Variants in DOCK8 observed in about 807,000 individuals in gnomAD.
DOCK8 encodes dedicator of cytokinesis 8.
Under a neutral mutation model 245.6 loss-of-function variants are expected in DOCK8, and 141 were observed. The observed-to-expected ratio is 0.57, with a 90% CI of 0.50 to 0.66. The LOEUF (loss-of-function observed/expected upper bound fraction) is 0.66, where lower values mean the gene tolerates loss of function less well. DOCK8 is among the 30% of genes least tolerant of loss of function. The pLI, the probability that DOCK8 is intolerant of heterozygous loss-of-function variation, is 0.00. For missense variants in DOCK8, 2,965 were observed against 2,603.4 expected (o/e 1.14, Z -3.02); for synonymous variants, 1,168 against 970.2 (o/e 1.20, Z -3.79).
chr9:427,666 G>T (rs531209619), intron 34 of DOCK8, among the ~76,000 whole-genome samples: 65 of 152,210 alleles, frequency 4.3e-4, no homozygotes, highest in Admixed American at 1.5e-3. Flanking sequence ...ATTGCTTTTA[G>T]GGCTAGAAGA....
chr9:418,148 C>T lies in DOCK8; in HGVS notation c.3781C>T (p.Leu1261=). 3 of 1,614,212 alleles carry T rather than the reference C, an allele frequency of 1.9e-6. No homozygotes were observed. The highest frequency in any genetic ancestry group is 2.2e-5 in the East Asian group (1 of 44,892). The change falls in exon 30 of 48, where the codon CTG becomes TTG. Residue 1261 remains leucine, a synonymous_variant. Coordinates refer to ENST00000432829, the MANE Select transcript of DOCK8 (RefSeq NM_203447.4). ...GAGAINQNVA[L]AIAGNNFNLK... is the part of the protein sequence containing the mutation. ...CGGTGCCATTAACCAGAATGTGGCT[C>T]TGGCCATAGCAGGGAATAATTTCAA... is the stretch of plus-strand genomic sequence containing the variant.
At chr9:215,750 T>G (rs773557535) in intron 1 of DOCK8, 10 of 232,084 alleles carry the variant, frequency 4.3e-5, no homozygotes, top group Non-Finnish European at 9.0e-5. Flanking sequence ...TTGCACAAAC[T>G]AAATATGTAA....
intron 28 of DOCK8, among the ~76,000 whole-genome samples, chr9:408,079 G>T: frequency 6.6e-6 from 1 of 152,174 alleles, no homozygotes. Flanking sequence ...CTGTTCCCAT[G>T]ACTCCTATGC....
intron 2 of DOCK8, among the ~76,000 whole-genome samples, chr9:278,744 G>T (rs2048456883): frequency 6.6e-6 from 1 of 152,214 alleles, no homozygotes; most frequent in Admixed American, 6.5e-5. Flanking sequence ...TAAGTGACGT[G>T]CTCCAGAAGC....
chr9:256,332 A>C (rs545313720), intron 1 of DOCK8, among the ~76,000 whole-genome samples: 1 of 152,358 alleles, frequency 6.6e-6, no homozygotes, highest in South Asian at 2.1e-4. Context: ...CAATACAGGC[A>C]AGAAAATCCT....
chr9:371,511 A>G lies in DOCK8; in HGVS notation c.1952A>G (p.His651Arg), dbSNP rs776714828. The G allele has an allele frequency of 1.9e-6, 3 of 1,614,064 alleles. No individual in the cohort carries two copies. The highest frequency in any genetic ancestry group is 2.5e-6 in the Non-Finnish European group (3 of 1,180,028). The change falls in exon 17 of 48, where the codon CAT (histidine) becomes CGT (arginine). Residue 651 changes from histidine (H) to arginine (R), a missense_variant. Around this residue, in one of 3 missense-constraint regions of DOCK8, gnomAD observed 2,825 missense variants for 2,453.5 expected, o/e 1.15. Coordinates refer to ENST00000432829, the MANE Select transcript of DOCK8 (RefSeq NM_203447.4). ...VNHHLLFTFY[H>R]ISCQQKQGAS... ...CACCACCTCCTGTTCACCTTCTACC[A>G]TATCAGCTGTCAGCAGAAGCAAGGA...
chr9:389,466 C>T (rs1236254654), intron 23 of DOCK8, among the ~76,000 whole-genome samples: 1 of 152,110 alleles, frequency 6.6e-6, no homozygotes, highest in African/African-American at 2.4e-5. Context: ...GCCCAAGATC[C>T]TCTCATAAAC....
intron 28 of DOCK8, among the ~76,000 whole-genome samples, chr9:413,631 A>G (rs556197035): frequency 1.9e-4 from 29 of 152,260 alleles, no homozygotes; most frequent in Non-Finnish European, 4.1e-4. Flanking sequence ...AAGAAGATAC[A>G]GCCATAAGAC....
At chr9:283,233 G>T (rs1254360077) in intron 2 of DOCK8, among the ~76,000 whole-genome samples, 1 of 152,142 alleles carries the variant, frequency 6.6e-6, no homozygotes, top group Non-Finnish European at 1.5e-5. Flanking sequence ...TTCTTCATCT[G>T]TAAAATGAGC....
intron 4 of DOCK8, among the ~76,000 whole-genome samples, chr9:299,366 A>G (rs904933861): frequency 1.3e-5 from 2 of 152,198 alleles, no homozygotes; most frequent in African/African-American, 4.8e-5. Context: ...CAATCCAGCA[A>G]TCCTCCCATC....
intron 14 of DOCK8, among the ~76,000 whole-genome samples, chr9:362,803 C>A (rs117443347): frequency 6.6e-6 from 1 of 152,176 alleles, no homozygotes; most frequent in Non-Finnish European, 1.5e-5. Flanking sequence ...TTTTTCTGTT[C>A]GTTTCCTTGC....
At chr9:378,911 G>A (rs1266423932) in intron 20 of DOCK8, among the ~76,000 whole-genome samples, 1 of 152,224 alleles carries the variant, frequency 6.6e-6, no homozygotes, top group East Asian at 1.9e-4. Flanking sequence ...CACCAGACAT[G>A]GCTGGAGAAT....
chr9:382,488 C>A (rs1384612640), intron 21 of DOCK8, 25 bp from the exon 22 acceptor site: 1 of 1,613,126 alleles, frequency 6.2e-7, no homozygotes, highest in East Asian at 2.2e-5. Flanking sequence ...TGTCTGTTGA[C>A]ATGTCTCTGC....
rs2057882296 is a variant in DOCK8 at position 463,684 on chromosome 9, A to G, written c.6236A>G (p.Lys2079Arg). ...CCAATATTCAGAGTTGAGAGTCAAA[A>G]GAGGTAAGAACAGGGCAGAGGAGGC... The part of the protein sequence containing the change: ...YKPIFRVESQ[K>R]RDSFHRSSFR... Residue 2079 changes from lysine to arginine, a missense_variant, in exon 47 of 48, where the codon AAG (lysine) becomes AGG (arginine). Transcript: ENST00000432829. 1.9e-6 allele frequency: 3 copies of G among 1,613,698 alleles called. No individual in the cohort carries two copies. Among genetic ancestry groups the G allele is most frequent in the African/African-American group, 1.3e-5 (1 of 74,930 alleles).
chr9:431,134 A>C (rs2056695792), intron 36 of DOCK8, among the ~76,000 whole-genome samples: 1 of 152,058 alleles, frequency 6.6e-6, no homozygotes, highest in South Asian at 2.1e-4. Flanking sequence ...TCAGCCCCCC[A>C]AAGTACTGAG....
At chr9:334,690 A>T (rs2051224945) in intron 11 of DOCK8, among the ~76,000 whole-genome samples, 1 of 152,182 alleles carries the variant, frequency 6.6e-6, no homozygotes, top group Admixed American at 6.5e-5. Flanking sequence ...CTTTAACAAG[A>T]AAATGTAGTA....
chr9:246,772 G>T (rs2047514617), intron 1 of DOCK8, among the ~76,000 whole-genome samples: 1 of 151,908 alleles, frequency 6.6e-6, no homozygotes, highest in Non-Finnish European at 1.5e-5. Flanking sequence ...ATTTTTTAAA[G>T]CTTTTATTTA....
intron 12 of DOCK8, among the ~76,000 whole-genome samples, chr9:337,633 C>T (rs143421034): frequency 1.2e-4 from 18 of 152,092 alleles, no homozygotes; most frequent in African/African-American, 3.9e-4. Flanking sequence ...TCTTTGTTAG[C>T]TCAGTAAACA....
chr9:286,320 T>C, intron 2 of DOCK8, 141 bp from the exon 3 acceptor site: 1 of 918,036 alleles, frequency 1.1e-6, no homozygotes, highest in Non-Finnish European at 1.6e-6. Context: ...TGACAGCTCC[T>C]CCAAAGAGTC....
Sources: allele counts gnomAD v4.1 joint callset (sites outside exome capture counted in the v4.1 genomes callset), GRCh38; gene constraint gnomAD v4.1.1; regional missense constraint gnomAD v4.1.1; transcripts MANE v1.5; gene names NCBI Gene and HGNC (gene_info 2026-07-23, HGNC 2026-07-21).